The following MARK1 variants were observed in gnomAD, a reference collection of about 807,000 sequenced individuals.
The protein encoded by MARK1 is serine/threonine-protein kinase MARK1.
A neutral mutation model predicts 96.3 loss-of-function variants in MARK1; 40 were observed. The ratio of observed to expected loss-of-function variants is 0.42; its 90% CI spans 0.32 to 0.54. The LOEUF is 0.54. MARK1 is among the 20% of genes least tolerant of loss of function. The pLI is 0.16. For missense variants in MARK1, 719 were observed against 984.6 expected (o/e 0.73, Z 3.61); for synonymous variants, 317 against 341.2 (o/e 0.93, Z 0.78).
chr1:220,547,462 G>A (rs1190801554), intron 1 of MARK1, among the ~76,000 whole-genome samples: 1 of 152,168 alleles, frequency 6.6e-6, no homozygotes, highest in Admixed American at 6.5e-5. Context: ...TAAGAGTATG[G>A]TCACTGAGGA....
At chr1:220,548,239 G>T (rs1439658228) in intron 1 of MARK1, among the ~76,000 whole-genome samples, 1 of 152,152 alleles carries the variant, frequency 6.6e-6, no homozygotes, top group South Asian at 2.1e-4. Flanking sequence ...TCGGAGAGAG[G>T]TTCCTCTATG....
At chr1:220,600,735 A>G (rs1454592408) in intron 5 of MARK1, among the ~76,000 whole-genome samples, 1 of 152,180 alleles carries the variant, frequency 6.6e-6, no homozygotes, top group Non-Finnish European at 1.5e-5. Flanking sequence ...TAATCAATAG[A>G]AAAACTTAGT....
chr1:220,637,461 C>T (rs1447807331), intron 13 of MARK1, among the ~76,000 whole-genome samples: 1 of 152,154 alleles, frequency 6.6e-6, no homozygotes, highest in Non-Finnish European at 1.5e-5. Context: ...GACTGGATCA[C>T]TTGAGGTCAG....
rs778577259 is a variant in MARK1, at chr1:220,662,971, CT to C, written c.*806del. 3.3e-5 allele frequency: 5 copies of C among 152,652 alleles called. No individual in the cohort carries two copies. Among genetic ancestry groups the C allele is most frequent in the Non-Finnish European group, 5.9e-5 (4 of 68,040 alleles). The allele number at this position is 152,652 out of a possible 1,614,324, so 9.5% of individuals were successfully genotyped here. Reference sequence around the variant, plus strand: ...TTAAAAGAAAAAAAACATACTTTATCTGGCTATTATAACATAAACTGTCACG... The same window carrying C: ...TTAAAAGAAAAAAAACATACTTTATCGGCTATTATAACATAAACTGTCACG... On this transcript the variant is annotated 3_prime_UTR_variant, in exon 18 of 18. Transcript: ENST00000366917.
At chr1:220,643,272 C>G (rs983525752) in intron 13 of MARK1, among the ~76,000 whole-genome samples, 1 of 151,790 alleles carries the variant, frequency 6.6e-6, no homozygotes, top group African/African-American at 2.4e-5. Flanking sequence ...CTGGTGGAGC[C>G]GAAAAACACA....
chr1:220,552,202 A>G (rs1481256171), intron 1 of MARK1, among the ~76,000 whole-genome samples: 2 of 152,204 alleles, frequency 1.3e-5, no homozygotes, highest in African/African-American at 2.4e-5. Context: ...TTACTATGAC[A>G]TCTGGTGGAA....
chr1:220,638,150 A>G (rs992011899), intron 13 of MARK1, among the ~76,000 whole-genome samples: 4 of 148,670 alleles, frequency 2.7e-5, no homozygotes, highest in East Asian at 1.9e-4. Flanking sequence ...AGAAGCCACT[A>G]TTTGCCTTAG....
intron 9 of MARK1, among the ~76,000 whole-genome samples, chr1:220,629,090 A>G (rs559310315): frequency 2.0e-5 from 3 of 152,262 alleles, no homozygotes; most frequent in South Asian, 2.1e-4. Context: ...GGCAGTCAAG[A>G]AATTAGCCTT....
intron 3 of MARK1, among the ~76,000 whole-genome samples, chr1:220,587,719 G>A (rs1023351814): frequency 5.9e-5 from 9 of 152,026 alleles, no homozygotes; most frequent in Non-Finnish European, 1.2e-4. Context: ...GTATGAATAT[G>A]CCATGCATAG....
intron 1 of MARK1, among the ~76,000 whole-genome samples, chr1:220,559,578 T>G (rs1662521636): frequency 6.6e-6 from 1 of 152,152 alleles, no homozygotes; most frequent in African/African-American, 2.4e-5. Flanking sequence ...TTGAACAAAG[T>G]CTATTTGAGA....
chr1:220,662,698 T>A lies in MARK1; in HGVS notation c.*532T>A, dbSNP rs941612587. 8 of 153,414 alleles carry A rather than the reference T, an allele frequency of 5.2e-5. No homozygotes were observed. The highest frequency in any genetic ancestry group is 1.9e-4 in the African/African-American group (8 of 41,458). 9.5% of individuals were successfully genotyped at this position (153,414 alleles called of 1,614,324 possible). A position where few individuals can be genotyped will look rare whatever the true frequency, so the allele number is the denominator to read the frequency against. ...ACCAGAAGCTGAAAAATAGATCAGC[T>A]TTATTATACACAAAATTATTACTGC... On this transcript the variant is annotated 3_prime_UTR_variant, in exon 18 of 18. Coordinates refer to ENST00000366917, the MANE Select transcript of MARK1 (RefSeq NM_018650.5).
intron 1 of MARK1, among the ~76,000 whole-genome samples, chr1:220,553,207 A>T (rs1661990658): frequency 6.6e-6 from 1 of 152,196 alleles, no homozygotes; most frequent in African/African-American, 2.4e-5. Context: ...CAGCCAAGCC[A>T]TTAGCACCAG....
intron 1 of MARK1, among the ~76,000 whole-genome samples, chr1:220,529,494 C>T (rs1660162422): frequency 2.6e-5 from 4 of 152,184 alleles, no homozygotes; most frequent in Admixed American, 2.0e-4. Context: ...CGAACAGCAT[C>T]TATGGCCCTG....
chr1:220,583,065 C>T (rs1000069738), intron 3 of MARK1, among the ~76,000 whole-genome samples: 1 of 152,146 alleles, frequency 6.6e-6, no homozygotes, highest in Non-Finnish European at 1.5e-5. Flanking sequence ...TAGCATCTCC[C>T]AGTCAGTCAT....
At chr1:220,531,028 A>C (rs905967020) in intron 1 of MARK1, among the ~76,000 whole-genome samples, 3 of 152,202 alleles carry the variant, frequency 2.0e-5, no homozygotes, top group Non-Finnish European at 2.9e-5. Context: ...AGAAGAGATA[A>C]TAATCCCAAA....
chr1:220,638,117 A>AT (rs35224257), intron 13 of MARK1, among the ~76,000 whole-genome samples: 13,123 of 140,552 alleles, frequency 0.093, 1,401 homozygotes, highest in African/African-American at 0.26. Context: ...TGGGGCTTAA[A>AT]TTTTTTTTTT....
intron 1 of MARK1, among the ~76,000 whole-genome samples, chr1:220,542,103 T>C (rs1420464568): frequency 2.0e-5 from 3 of 152,206 alleles, no homozygotes; most frequent in Non-Finnish European, 2.9e-5. Flanking sequence ...CCACTCTTTT[T>C]CCCCATCTGT....
intron 9 of MARK1, among the ~76,000 whole-genome samples, chr1:220,619,391 G>A (rs997186203): frequency 2.0e-5 from 3 of 152,078 alleles, no homozygotes; most frequent in Admixed American, 1.3e-4. Context: ...GGAGAATGGC[G>A]TGAACTTGGG....
intron 1 of MARK1, among the ~76,000 whole-genome samples, chr1:220,575,631 A>G (rs1274783109): frequency 2.0e-5 from 3 of 152,226 alleles, no homozygotes; most frequent in African/African-American, 4.8e-5. Context: ...ATCAGAATAT[A>G]TAATATATTC....
Sources: gnomAD v4.1 joint callset for allele counts (sites outside exome capture counted in the v4.1 genomes callset) on GRCh38, gnomAD v4.1.1 for gene constraint, MANE v1.5 for transcripts, NCBI Gene and HGNC (gene_info 2026-07-23, HGNC 2026-07-21) for gene names.